The following DISC1 variants were observed in gnomAD, a reference collection of about 807,000 sequenced individuals.
The protein encoded by DISC1 is DISC1 scaffold protein.
A neutral mutation model predicts 84.5 loss-of-function variants in DISC1; 57 were observed. The ratio of observed to expected loss-of-function variants is 0.67; its 90% CI spans 0.55 to 0.84. The LOEUF (loss-of-function observed/expected upper bound fraction) is 0.84, where lower values mean the gene tolerates loss of function less well. DISC1 is among the 40% of genes least tolerant of loss of function. The pLI is 0.00. For missense variants in DISC1, 1,000 were observed against 1,057.8 expected, an observed-to-expected ratio of 0.95 and a Z score of 0.76; for synonymous variants, 411 against 415.2, an observed-to-expected ratio of 0.99 and a Z score of 0.12.
chr1:231,788,679 G>T (rs374962658), intron 6 of DISC1, among the ~76,000 whole-genome samples: 2 of 152,174 alleles, frequency 1.3e-5, no homozygotes, highest in African/African-American at 4.8e-5. Flanking sequence ...AATTTAAAAA[G>T]AAGAGAGGAC....
chr1:231,967,556 C>A (rs559460455), intron 10 of DISC1, among the ~76,000 whole-genome samples: 1 of 152,146 alleles, frequency 6.6e-6, no homozygotes, highest in African/African-American at 2.4e-5. Context: ...TATTCATTTA[C>A]TTATGTTCTA....
At chr1:231,836,520 T>C (rs1173511610) in intron 9 of DISC1, among the ~76,000 whole-genome samples, 1 of 152,210 alleles carries the variant, frequency 6.6e-6, no homozygotes, top group Non-Finnish European at 1.5e-5. Context: ...TTTCCATTGA[T>C]GATGTGTAAT....
intron 3 of DISC1, among the ~76,000 whole-genome samples, chr1:231,713,014 A>C (rs188710632): frequency 1.2e-3 from 180 of 152,306 alleles, no homozygotes; most frequent in African/African-American, 4.2e-3. Context: ...CTAAGCTTTC[A>C]TTTCAGGCTG....
At chr1:231,677,632 G>A (rs1195257185) in intron 1 of DISC1, among the ~76,000 whole-genome samples, 5 of 152,244 alleles carry the variant, frequency 3.3e-5, no homozygotes, top group Non-Finnish European at 5.9e-5. Context: ...GAGACCTGGA[G>A]AGGCTAAGTA....
intron 9 of DISC1, among the ~76,000 whole-genome samples, chr1:231,955,537 T>C (rs1659333498): frequency 6.6e-6 from 1 of 151,498 alleles, no homozygotes; most frequent in Admixed American, 6.6e-5. Flanking sequence ...TTGCCCAGGC[T>C]GGAGTGCAGT....
chr1:231,833,412 C>A (rs1414055376), intron 9 of DISC1, among the ~76,000 whole-genome samples: 1 of 151,578 alleles, frequency 6.6e-6, no homozygotes, highest in East Asian at 1.9e-4. Context: ...GAGAGTTACC[C>A]AAATCTCGGC....
At position 231,696,053 on chromosome 1, in the gene DISC1, C is replaced by T. The variant is rs192827842; in HGVS notation, c.1047+1248C>T. On this transcript the variant is annotated intron_variant, in intron 2 of 12. Coordinates refer to ENST00000439617, the MANE Select transcript of DISC1 (RefSeq NM_018662.3). ...TTTCCCCGAAACCCGTTCTGAAGGG[C>T]CTCCAATATTGGTTGATTTGAATGC... Among the ~76,000 whole-genome samples the T allele has an allele frequency of 4.6e-5, 7 of 152,246 alleles. No homozygotes were observed. In the East Asian group the frequency reaches 1.2e-3, roughly 25 times the overall value.
intron 10 of DISC1, among the ~76,000 whole-genome samples, chr1:231,998,360 C>A (rs539957487): frequency 6.6e-6 from 1 of 152,254 alleles, no homozygotes; most frequent in Non-Finnish European, 1.5e-5. Context: ...AGATTGAGAA[C>A]CGCCCAGAAA....
chr1:231,874,065 C>A (rs927632195), intron 9 of DISC1, among the ~76,000 whole-genome samples: 1 of 151,306 alleles, frequency 6.6e-6, no homozygotes, highest in South Asian at 2.1e-4. Flanking sequence ...CCAGGCTTGT[C>A]TTGAACTCCT....
intron 6 of DISC1, among the ~76,000 whole-genome samples, chr1:231,788,839 A>G (rs1350828310): frequency 6.6e-6 from 1 of 152,014 alleles, no homozygotes; most frequent in Non-Finnish European, 1.5e-5. Flanking sequence ...GCCGCTCCCC[A>G]TCCTGTGGTT....
chr1:231,824,003 A>T (rs140881762), intron 9 of DISC1, among the ~76,000 whole-genome samples: 12 of 152,336 alleles, frequency 7.9e-5, no homozygotes, highest in African/African-American at 2.9e-4. Flanking sequence ...GGCTTGGGCT[A>T]GTGAAGTTTA....
intron 9 of DISC1, among the ~76,000 whole-genome samples, chr1:231,944,148 C>T (rs931038748): frequency 2.0e-5 from 3 of 152,164 alleles, no homozygotes; most frequent in African/African-American, 7.2e-5. Context: ...ACCCAGCCTC[C>T]AGCTCTATTT....
At chr1:231,715,887 C>G (rs1342488892) in intron 3 of DISC1, among the ~76,000 whole-genome samples, 1 of 152,162 alleles carries the variant, frequency 6.6e-6, no homozygotes, top group East Asian at 1.9e-4. Flanking sequence ...TGGATGAGGA[C>G]AGCTCAGCCG....
Position 232,036,584 on chromosome 1 carries a change from A to G in DISC1, c.2426-108A>G, listed in dbSNP as rs991153185. ...TTGGAAAGAACTTTAAACTGCAATT[A>G]GGTGTCAGTACCCATCTGCTTCCAG... On this transcript the variant is annotated intron_variant, in intron 12 of 12. Coordinates refer to ENST00000439617, the MANE Select transcript of DISC1 (RefSeq NM_018662.3). The G allele has an allele frequency of 2.3e-5, 23 of 1,006,360 alleles. No homozygotes were observed. In the African/African-American group the frequency reaches 3.3e-4, roughly 14 times the overall value. 62.3% of individuals were successfully genotyped at this position (1,006,360 alleles called of 1,614,324 possible).
intron 9 of DISC1, among the ~76,000 whole-genome samples, chr1:231,950,813 G>T (rs900319362): frequency 2.0e-5 from 3 of 152,148 alleles, no homozygotes; most frequent in Non-Finnish European, 4.4e-5. Flanking sequence ...TTTAAACCTG[G>T]TGGAGCTTCC....
chr1:231,767,485 T>G (rs771279482), intron 5 of DISC1, among the ~76,000 whole-genome samples: 4 of 152,156 alleles, frequency 2.6e-5, no homozygotes, highest in Non-Finnish European at 5.9e-5. Flanking sequence ...TTAGTAGATA[T>G]CAGGTCTTAG....
intron 4 of DISC1, among the ~76,000 whole-genome samples, chr1:231,755,585 A>G (rs975862392): frequency 3.3e-5 from 5 of 152,054 alleles, no homozygotes; most frequent in African/African-American, 1.2e-4. Flanking sequence ...CCTTAACATT[A>G]CTATCTCTTT....
intron 11 of DISC1, among the ~76,000 whole-genome samples, chr1:232,025,421 A>T (rs1669353922): frequency 6.6e-6 from 1 of 152,148 alleles, no homozygotes; most frequent in African/African-American, 2.4e-5. Flanking sequence ...AGTGACATAA[A>T]GAAGGCCCTT....
intron 10 of DISC1, 81 bp from the exon 11 acceptor site, chr1:232,008,704 G>A: frequency 1.4e-6 from 2 of 1,476,418 alleles, no homozygotes; most frequent in Non-Finnish European, 1.8e-6. Context: ...CTGACTTTTA[G>A]CCAGGTAGAC....
Sources: gnomAD v4.1 joint callset for allele counts (sites outside exome capture counted in the v4.1 genomes callset) on GRCh38, gnomAD v4.1.1 for gene constraint, MANE v1.5 for transcripts, NCBI Gene and HGNC (gene_info 2026-07-23, HGNC 2026-07-21) for gene names.